SAMD12: variants seen among roughly 807,000 people sequenced by gnomAD.
SAMD12 encodes the protein sterile alpha motif domain containing 12, also known as sterile alpha motif domain-containing protein 12.
Under a neutral mutation model 15.0 loss-of-function variants are expected in SAMD12, and 9 were observed. The observed-to-expected ratio is 0.60, with a 90% CI of 0.36 to 1.05. The LOEUF (loss-of-function observed/expected upper bound fraction) is 1.05, where lower values mean the gene tolerates loss of function less well. Among genes scored for constraint, SAMD12 ranks in the 50% least tolerant of loss-of-function variants. The probability of loss-of-function intolerance (pLI) is 0.01; values close to 1 mark genes in which losing one functional copy is unlikely to be tolerated. For synonymous variants in SAMD12, 86 were observed against 90.1 expected (o/e 0.96, Z 0.25); for missense variants, 230 against 234.2 (o/e 0.98, Z 0.12).
intron 4 of SAMD12, among the ~76,000 whole-genome samples, chr8:118,292,817 C>G (rs370348048): frequency 2.6e-4 from 39 of 148,594 alleles, no homozygotes; most frequent in African/African-American, 8.7e-4. Context: ...AACCAAACAC[C>G]ACATATTCTC....
intron 2 of SAMD12, among the ~76,000 whole-genome samples, chr8:118,576,617 G>C (rs1827159699): frequency 6.6e-6 from 1 of 152,166 alleles, no homozygotes; most frequent in South Asian, 2.1e-4. Context: ...GTCTTGTTCT[G>C]ACTGCTCTGT....
In SAMD12 at chr8:118,391,040, C is replaced by T. The variant is rs569696641; in HGVS notation, c.323-11340G>A. On this transcript the variant is annotated intron_variant, in intron 3 of 3. Coordinates refer to ENST00000314727, the MANE Select transcript of SAMD12 (RefSeq NM_207506.3). ...TGACCCTGCATTGTTTTTAGCTCTC[C>T]GAGAAGGAATACACAGCTCACACAC... Among the ~76,000 whole-genome samples, 6 of 151,898 alleles carry T rather than the reference C, an allele frequency of 4.0e-5. No individual in the cohort carries two copies. In the East Asian group the frequency reaches 5.8e-4, roughly 15 times the overall value.
At chr8:118,258,140 G>T (rs914372114) in intron 4 of SAMD12, among the ~76,000 whole-genome samples, 1 of 152,114 alleles carries the variant, frequency 6.6e-6, no homozygotes, top group African/African-American at 2.4e-5. Flanking sequence ...AAAATAAAAG[G>T]AGGTGAGTAT....
chr8:118,532,256 T>A (rs1476471855), intron 2 of SAMD12, among the ~76,000 whole-genome samples: 2 of 152,266 alleles, frequency 1.3e-5, no homozygotes, highest in Non-Finnish European at 2.9e-5. Flanking sequence ...TTTGTGTATG[T>A]TGAATCAGCC....
At chr8:118,464,055 A>G (rs1823514813) in intron 2 of SAMD12, among the ~76,000 whole-genome samples, 1 of 152,220 alleles carries the variant, frequency 6.6e-6, no homozygotes, top group African/African-American at 2.4e-5. Context: ...GGAGAAGCTC[A>G]TAAGAGCAAC....
At chr8:118,284,087 T>G (rs1367739459) in intron 4 of SAMD12, among the ~76,000 whole-genome samples, 1 of 152,222 alleles carries the variant, frequency 6.6e-6, no homozygotes. Flanking sequence ...TTCCGAAGAC[T>G]GCCAAATCTT....
At chr8:118,271,893 G>T (rs367735788) in intron 4 of SAMD12, among the ~76,000 whole-genome samples, 18 of 152,172 alleles carry the variant, frequency 1.2e-4, no homozygotes, top group East Asian at 5.8e-4. Flanking sequence ...CCACTTCCTG[G>T]CTGCTTTCAT....
intron 3 of SAMD12, among the ~76,000 whole-genome samples, chr8:118,384,945 C>T (rs887131938): frequency 6.6e-6 from 1 of 151,992 alleles, no homozygotes; most frequent in Admixed American, 6.6e-5. Context: ...AAAAACATTC[C>T]CCAGAACTCC....
intron 4 of SAMD12, among the ~76,000 whole-genome samples, chr8:118,264,180 T>G (rs2130077533): frequency 6.6e-6 from 1 of 152,156 alleles, no homozygotes; most frequent in South Asian, 2.1e-4. Context: ...CCTTGTAGCT[T>G]TTGTTGTATT....
At chr8:118,366,827 A>AT in intron 4 of SAMD12, among the ~76,000 whole-genome samples, 1 of 89,406 alleles carries the variant, frequency 1.1e-5, no homozygotes, top group Non-Finnish European at 2.2e-5. Context: ...AAAATAAAAT[A>AT]AAATAAAATA....
rs561276545 is a variant in SAMD12, at chr8:118,606,582, A to G, written c.13+15222T>C. On this transcript the variant is annotated intron_variant, in intron 1 of 3. Coordinates refer to ENST00000314727, the MANE Select transcript of SAMD12 (RefSeq NM_207506.3). The stretch of plus-strand genomic sequence containing the variant: ...CAGCTACTGAGTTTCAATTTAAAAA[A>G]AAAAGAAAAGAAAAGAAAAAAAAAC... Among the ~76,000 whole-genome samples, 102 of 151,570 alleles carry G rather than the reference A, an allele frequency of 6.7e-4. No homozygotes were observed. In the South Asian group the frequency reaches 0.012, roughly 17 times the overall value.
At chr8:118,235,620 G>A (rs559793895) in intron 4 of SAMD12, among the ~76,000 whole-genome samples, 1 of 152,098 alleles carries the variant, frequency 6.6e-6, no homozygotes, top group Non-Finnish European at 1.5e-5. Flanking sequence ...CTTAGCAGTG[G>A]GAATAGATAA....
At position 118,435,020 on chromosome 8, in the gene SAMD12, G is replaced by A. The variant is rs1289138933; in HGVS notation, c.322+4812C>T. 5.7e-5 allele frequency among the ~76,000 whole-genome samples: 5 copies of A among 87,298 alleles called. 1 individual carries two copies. Among genetic ancestry groups the A allele is most frequent in the East Asian group, 2.8e-4 (1 of 3,636 alleles). 57.3% of individuals were successfully genotyped at this position (87,298 alleles called of 152,430 possible). Reference sequence around the variant, plus strand: ...TGGGAGGCTGAGGCAGGAGAATGGCGTGAACCCGGGAGGCGGAGCTTGCAG... The same window carrying A: ...TGGGAGGCTGAGGCAGGAGAATGGCATGAACCCGGGAGGCGGAGCTTGCAG... On this transcript the variant is annotated intron_variant, in intron 3 of 3. Transcript: ENST00000314727.
intron 4 of SAMD12, among the ~76,000 whole-genome samples, chr8:118,316,816 G>GTTTTTTTTTTTTTT (rs35418863): frequency 8.5e-6 from 1 of 117,926 alleles, no homozygotes; most frequent in Non-Finnish European, 1.7e-5. Context: ...TTAAAAAAAA[G>GTTTTTTTTTTTTTT]TTTTTTTTTT....
chr8:118,604,277 GA>G (rs1420193877), intron 1 of SAMD12, among the ~76,000 whole-genome samples: 1 of 152,078 alleles, frequency 6.6e-6, no homozygotes, highest in African/African-American at 2.4e-5. Context: ...AAATGGTAGA[GA>G]ATATTTATCT....
chr8:118,176,787 G>A, the SAMD12 span, among the ~76,000 whole-genome samples: 1 of 151,916 alleles, frequency 6.6e-6, no homozygotes, highest in Admixed American at 6.6e-5. Flanking sequence ...AATTGCACAT[G>A]TACCCCTTGA....
At chr8:118,167,422 C>G in the SAMD12 span, among the ~76,000 whole-genome samples, 1 of 152,098 alleles carries the variant, frequency 6.6e-6, no homozygotes, top group Non-Finnish European at 1.5e-5. Context: ...GGAACCTTCA[C>G]AGAACTTCAG....
At chr8:118,419,134 T>A (rs772608449) in intron 3 of SAMD12, among the ~76,000 whole-genome samples, 1 of 152,170 alleles carries the variant, frequency 6.6e-6, no homozygotes, top group African/African-American at 2.4e-5. Context: ...TCTAGTCAAC[T>A]GTGAATGTGC....
the SAMD12 span, among the ~76,000 whole-genome samples, chr8:118,167,876 T>A: frequency 6.6e-6 from 1 of 152,016 alleles, no homozygotes; most frequent in African/African-American, 2.4e-5. Flanking sequence ...TTCTTGGGGG[T>A]TGTTGGCTGG....
Sources: gnomAD v4.1 joint callset for allele counts (sites outside exome capture counted in the v4.1 genomes callset) on GRCh38, gnomAD v4.1.1 for gene constraint, MANE v1.5 for transcripts, NCBI Gene and HGNC (gene_info 2026-07-23, HGNC 2026-07-21) for gene names.